The following RAB11FIP5 variants were observed in gnomAD, a reference collection of about 807,000 sequenced individuals.
RAB11FIP5 encodes the protein RAB11 family interacting protein 5.
RAB11FIP5 carries 48 observed loss-of-function variants against 85.1 expected under a neutral mutation model. The ratio of observed to expected loss-of-function variants is 0.56; its 90% CI spans 0.45 to 0.72. The LOEUF (loss-of-function observed/expected upper bound fraction) is 0.72, where lower values mean the gene tolerates loss of function less well. Among genes scored for constraint, RAB11FIP5 ranks in the 30% least tolerant of loss-of-function variants. The probability of loss-of-function intolerance (pLI) is 0.00; values close to 1 mark genes in which losing one functional copy is unlikely to be tolerated. For synonymous variants in RAB11FIP5, 729 were observed against 727.3 expected (o/e 1.00, Z -0.04); for missense variants, 1,491 against 1,687.0 (o/e 0.88, Z 2.04).
At chr2:73,084,679 CTG>C (rs990557718) in intron 3 of RAB11FIP5, among the ~76,000 whole-genome samples, 10 of 152,258 alleles carry the variant, frequency 6.6e-5, no homozygotes, top group Non-Finnish European at 1.3e-4. Flanking sequence ...AGGGCTACCT[CTG>C]TAGCTGAAGG....
In RAB11FIP5 at chr2:73,112,506, G is replaced by C; in HGVS notation, c.272C>G (p.Ala91Gly). ...ALDGLLRAQE[A>G]DAGPAPWAAS... is the part of the protein sequence containing the mutation. ...GGCCCAGGGCGCCGGGCCCGCGTCG[G>C]CCTCCTGCGCCCGCAGCAGGCCATC... Residue 91 changes from alanine (A) to glycine (G), a missense_variant, in exon 1 of 6, where the codon GCC (alanine) becomes GGC (glycine). Physicochemically the swap from Ala to Gly is moderately conservative, Grantham distance 60. Coordinates refer to ENST00000486777, the MANE Select transcript of RAB11FIP5 (RefSeq NM_001371272.1). The C allele has an allele frequency of 6.7e-7, 1 of 1,498,862 alleles. No homozygotes were observed. 92.8% of individuals were successfully genotyped at this position (1,498,862 alleles called of 1,614,324 possible). A position where few individuals can be genotyped will look rare whatever the true frequency, so the allele number is the denominator to read the frequency against.
Position 73,088,045 on chromosome 2 carries a change from CT to C in RAB11FIP5, c.1568+4del. 6.3e-7 allele frequency: 1 copy of C among 1,583,956 alleles called. No homozygotes were observed. On this transcript the variant is annotated splice_donor_region_variant and intron_variant, in intron 3 of 5. Coordinates refer to ENST00000486777, the MANE Select transcript of RAB11FIP5 (RefSeq NM_001371272.1). ...GGAGCAAAGTTGGTCTTGCCAACGACTTACCTGGGTTTCTGAGTCGGGTCCT... is the reference window on the plus strand; with the variant it reads ...GGAGCAAAGTTGGTCTTGCCAACGACTACCTGGGTTTCTGAGTCGGGTCCT...
At chr2:73,076,314 A>C in intron 4 of RAB11FIP5, 132 bp from the exon 5 acceptor site, 1 of 891,130 alleles carries the variant, frequency 1.1e-6, no homozygotes, top group Non-Finnish European at 1.7e-6. Context: ...CTGCCCCTAC[A>C]GAGTCAAGGT....
chr2:73,112,406 C>A lies in RAB11FIP5; in HGVS notation c.372G>T (p.Leu124=). The change falls in exon 1 of 6, where the codon CTG becomes CTT. Residue 124 remains leucine, a synonymous_variant. Coordinates refer to ENST00000486777, the MANE Select transcript of RAB11FIP5 (RefSeq NM_001371272.1). The stretch of plus-strand genomic sequence containing the variant: ...CGTCCAGCGCCACCGTGGCCTGGCC[C>A]AGGAACTTGTCGACGCCGATGAGCG... The part of the protein sequence containing the change: ...HRSLIGVDKF[L]GQATVALDEV... 1 of 1,601,898 alleles carries A rather than the reference C, an allele frequency of 6.2e-7. No individual in the cohort carries two copies.
At position 73,112,515 on chromosome 2, in the gene RAB11FIP5, G is replaced by A; in HGVS notation, c.263C>T (p.Ala88Val). 2 of 1,508,396 alleles carry A rather than the reference G, an allele frequency of 1.3e-6. No homozygotes were observed. The highest frequency in any genetic ancestry group is 1.7e-4 in the Middle Eastern group (1 of 5,786). 93.4% of individuals were successfully genotyped at this position (1,508,396 alleles called of 1,614,324 possible). ...PPGALDGLLR[A>V]QEADAGPAPW... ...CGCCGGGCCCGCGTCGGCCTCCTGC[G>A]CCCGCAGCAGGCCATCCAGGGCCCC... Residue 88 changes from alanine to valine, a missense_variant, in exon 1 of 6, where the codon GCG becomes GTG. By Grantham distance (64) the Ala-to-Val change is moderately conservative. Coordinates refer to ENST00000486777, the MANE Select transcript of RAB11FIP5 (RefSeq NM_001371272.1).
Position 73,076,076 on chromosome 2 carries a change from GCTT to G in RAB11FIP5, c.3685_3687del (p.Lys1229del). On this transcript the variant is annotated inframe_deletion, in exon 5 of 6. Coordinates refer to ENST00000486777, the MANE Select transcript of RAB11FIP5 (RefSeq NM_001371272.1). ...ATGCTCCCAGATGTGACTGTTTTGA[GCTT>G]CTCCAGCCCACTGCTCAGGGCTATG... 1 of 1,614,192 alleles carries G rather than the reference GCTT, an allele frequency of 6.2e-7. No individual in the cohort carries two copies. The highest frequency in any genetic ancestry group is 8.5e-7 in the Non-Finnish European group (1 of 1,180,006).
chr2:73,102,673 T>C (rs1684452250), intron 1 of RAB11FIP5, among the ~76,000 whole-genome samples: 2 of 152,168 alleles, frequency 1.3e-5, no homozygotes, highest in African/African-American at 2.4e-5. Flanking sequence ...CCTCACCACC[T>C]GAGAAGGGAC....
Position 73,075,855 on chromosome 2 carries a change from C to G in RAB11FIP5, c.3772-131G>C. 1.4e-6 allele frequency: 2 copies of G among 1,455,812 alleles called. No individual in the cohort carries two copies. Among genetic ancestry groups the G allele is most frequent in the Non-Finnish European group, 1.9e-6 (2 of 1,069,854 alleles). The allele number at this position is 1,455,812 out of a possible 1,614,324, so 90.2% of individuals were successfully genotyped here. A position where few individuals can be genotyped will look rare whatever the true frequency, so the allele number is the denominator to read the frequency against. The stretch of plus-strand genomic sequence containing the variant: ...CACAGGGCCCCAGGCTGCCTGTCTC[C>G]AAAGTCAGAGCCTAACTGGCTTCAG... On this transcript the variant is annotated intron_variant, in intron 5 of 5. Transcript: ENST00000486777. This position sits in a 1 kb window ranked among gnomAD's most constrained non-coding sequence, Gnocchi z 4.6.
At position 73,112,646 on chromosome 2, in the gene RAB11FIP5, C is replaced by A; in HGVS notation, c.132G>T (p.Ala44=). 1 of 1,600,156 alleles carries A rather than the reference C, an allele frequency of 6.2e-7. No homozygotes were observed. Among genetic ancestry groups the A allele is most frequent in the Non-Finnish European group, 8.5e-7 (1 of 1,174,958 alleles). Residue 44 remains alanine, a synonymous_variant, in exon 1 of 6, where the codon GCG becomes GCT. Transcript: ENST00000486777. ...KSSGAGSTSD[A]YTVIQVGREK... Reference sequence around the variant, plus strand: ...CGCGGCCCACCTGGATCACCGTGTACGCGTCGCTGGTGCTGCCCGCTCCCG... The same window carrying A: ...CGCGGCCCACCTGGATCACCGTGTAAGCGTCGCTGGTGCTGCCCGCTCCCG...
At chr2:73,102,212 C>A (rs1401776162) in intron 1 of RAB11FIP5, among the ~76,000 whole-genome samples, 1 of 152,074 alleles carries the variant, frequency 6.6e-6, no homozygotes, top group African/African-American at 2.4e-5. Flanking sequence ...TAATGTCACA[C>A]TAAGGAGCCA....
intron 1 of RAB11FIP5, among the ~76,000 whole-genome samples, chr2:73,105,765 G>C (rs767605655): frequency 1.3e-5 from 2 of 151,980 alleles, no homozygotes; most frequent in Non-Finnish European, 2.9e-5. Context: ...TTGGCAGGCA[G>C]CAGCTGAGCA....
Position 73,079,770 on chromosome 2 carries a change from G to A in RAB11FIP5, c.3462C>T (p.Ser1154=), listed in dbSNP as rs968770164. The change falls in exon 4 of 6, where the codon TCC becomes TCT. Residue 1154 remains serine, a synonymous_variant. Coordinates refer to ENST00000486777, the MANE Select transcript of RAB11FIP5 (RefSeq NM_001371272.1). The part of the protein sequence containing the change: ...PALLPGPHEP[S]PPGGSPALLR... ...GTAGGGCAGGGGAGCCCCCAGGTGG[G>A]GAGGGCTCATGGGGGCCAGGGAGTA... is the stretch of plus-strand genomic sequence containing the variant. The A allele has an allele frequency of 8.1e-7, 1 of 1,232,530 alleles. No individual in the cohort carries two copies. The highest frequency in any genetic ancestry group is 1.0e-6 in the Non-Finnish European group (1 of 988,248). The allele number at this position is 1,232,530 out of a possible 1,614,324, so 76.3% of individuals were successfully genotyped here.
At chr2:73,110,673 T>C (rs1209105583) in intron 1 of RAB11FIP5, among the ~76,000 whole-genome samples, 4 of 152,176 alleles carry the variant, frequency 2.6e-5, no homozygotes, top group African/African-American at 7.2e-5. Flanking sequence ...ACCTACAAGC[T>C]TGGCCAGCTC....
chr2:73,081,234 G>A lies in RAB11FIP5; in HGVS notation c.1998C>T (p.Ser666=), dbSNP rs1013337386. Residue 666 remains serine (S), a synonymous_variant, in exon 4 of 6, where the codon AGC becomes AGT. Transcript: ENST00000486777. This position sits in a 1 kb window ranked among gnomAD's most constrained non-coding sequence, Gnocchi z 4.2. ...CCACTCCTGCAGGGGCCAGGATCTCGCTCCTGGCCTCTGGACGCAGCCTGC... is the reference window on the plus strand; with the variant it reads ...CCACTCCTGCAGGGGCCAGGATCTCACTCCTGGCCTCTGGACGCAGCCTGC... The part of the protein sequence containing the change: ...AASRLRPEAR[S]EILAPAGVGL... The A allele has an allele frequency of 2.4e-5, 30 of 1,232,176 alleles. No homozygotes were observed. Among genetic ancestry groups the A allele is most frequent in the South Asian group, 1.2e-4 (3 of 24,320 alleles). 76.3% of individuals were successfully genotyped at this position (1,232,176 alleles called of 1,614,324 possible).
rs374969019 is a variant in RAB11FIP5, at chr2:73,079,343, C to G, written c.3581+308G>C. ...GGGCCTACAGCACTGCTCTCCTTCC[C>G]TGCCAGCCCACATCGGCTCTCCCCA... On this transcript the variant is annotated intron_variant, in intron 4 of 5. Transcript: ENST00000486777. Among the ~76,000 whole-genome samples the G allele has an allele frequency of 1.3e-4, 20 of 152,294 alleles. No individual in the cohort carries two copies. In the East Asian group the frequency reaches 1.7e-3, roughly 13 times the overall value.
At chr2:73,087,721 G>A (rs1353791152) in intron 3 of RAB11FIP5, among the ~76,000 whole-genome samples, 2 of 152,202 alleles carry the variant, frequency 1.3e-5, no homozygotes, top group African/African-American at 4.8e-5. Flanking sequence ...TGGAGGTCAG[G>A]AAGCAAAGAA....
intron 1 of RAB11FIP5, among the ~76,000 whole-genome samples, chr2:73,105,048 G>A (rs1684496142): frequency 6.6e-6 from 1 of 152,174 alleles, no homozygotes; most frequent in East Asian, 1.9e-4. Flanking sequence ...TGACTGTATT[G>A]CTGCAGGAGG....
Position 73,089,168 on chromosome 2 carries a change from G to A in RAB11FIP5, c.579C>T (p.Ile193=), listed in dbSNP as rs769918529. 6 of 1,614,090 alleles carry A rather than the reference G, an allele frequency of 3.7e-6. No individual in the cohort carries two copies. In the African/African-American group the frequency reaches 6.7e-5, roughly 18 times the overall value. The change falls in exon 2 of 6, where the codon ATC becomes ATT. Residue 193 remains isoleucine, a synonymous_variant. Transcript: ENST00000486777. The surrounding 1 kb of genome is among the most constrained non-coding windows in gnomAD (Gnocchi z 4.6). The part of the protein sequence containing the change: ...KDKPRSPFSK[I]RDKMKGKKKY... Reference sequence around the variant, plus strand: ...TCTTCTTGCCCTTCATCTTGTCCCTGATCTTGCTGAAGGGAGACCTTGGCT... The same window carrying A: ...TCTTCTTGCCCTTCATCTTGTCCCTAATCTTGCTGAAGGGAGACCTTGGCT...
chr2:73,109,677 T>C (rs1056620735), intron 1 of RAB11FIP5, among the ~76,000 whole-genome samples: 5 of 152,172 alleles, frequency 3.3e-5, no homozygotes, highest in Admixed American at 6.5e-5. Context: ...AGCCCAGCCC[T>C]ATTTCTTGGG....
Sources: gnomAD v4.1 joint callset for allele counts (sites outside exome capture counted in the v4.1 genomes callset) on GRCh38, gnomAD v4.1.1 for gene constraint, Gnocchi (gnomAD v3.1) non-coding constraint, MANE v1.5 for transcripts, NCBI Gene and HGNC (gene_info 2026-07-23, HGNC 2026-07-21) for gene names.